TRAPPC9: variants seen among roughly 807,000 people sequenced by gnomAD.
TRAPPC9 encodes trafficking protein particle complex subunit 9.
Under a neutral mutation model 124.0 loss-of-function variants are expected in TRAPPC9, and 83 were observed. That is an observed-to-expected ratio of 0.67 (90% CI 0.56 to 0.80). The LOEUF (loss-of-function observed/expected upper bound fraction) is 0.80. TRAPPC9 is among the 30% of genes least tolerant of loss of function. TRAPPC9 has a pLI of 0.00. For synonymous variants in TRAPPC9, 638 were observed against 617.5 expected, an observed-to-expected ratio of 1.03 and a Z score of -0.49; for missense variants, 1,302 against 1,508.3, an observed-to-expected ratio of 0.86 and a Z score of 2.27.
At chr8:140,083,352 T>C (rs73359162) in intron 17 of TRAPPC9, among the ~76,000 whole-genome samples, 102 of 152,310 alleles carry the variant, frequency 6.7e-4, no homozygotes, top group African/African-American at 2.4e-3. Context: ...GGGAAAAATA[T>C]TCAGAATATT....
intron 17 of TRAPPC9, among the ~76,000 whole-genome samples, chr8:140,215,412 G>A (rs554393769): frequency 1.6e-4 from 24 of 152,214 alleles, no homozygotes; most frequent in Admixed American, 3.3e-4. Context: ...GGAGGCTGAG[G>A]CAGGTGGATT....
At chr8:139,758,149 C>T (rs1051295819) in intron 21 of TRAPPC9, among the ~76,000 whole-genome samples, 3 of 152,180 alleles carry the variant, frequency 2.0e-5, no homozygotes, top group African/African-American at 4.8e-5. Flanking sequence ...GCCAAGCGCT[C>T]GGGCCTGGGA....
At chr8:140,107,494 C>T (rs1288290795) in intron 17 of TRAPPC9, among the ~76,000 whole-genome samples, 1 of 152,120 alleles carries the variant, frequency 6.6e-6, no homozygotes, top group Non-Finnish European at 1.5e-5. Context: ...GTAAGAGAAC[C>T]GAAGGATGCT....
intron 18 of TRAPPC9, among the ~76,000 whole-genome samples, chr8:140,013,474 C>T (rs1375279346): frequency 2.0e-5 from 3 of 152,232 alleles, no homozygotes; most frequent in Admixed American, 2.0e-4. Flanking sequence ...CACACTGCAG[C>T]GTTTCTTCAA....
intron 21 of TRAPPC9, among the ~76,000 whole-genome samples, chr8:139,848,166 A>T (rs1586979467): frequency 6.6e-6 from 1 of 152,362 alleles, no homozygotes; most frequent in East Asian, 1.9e-4. Flanking sequence ...TCTAGACAGG[A>T]CTGCATGACT....
At chr8:140,157,249 C>T (rs1241910173) in intron 17 of TRAPPC9, among the ~76,000 whole-genome samples, 3 of 19,840 alleles carry the variant, frequency 1.5e-4, no homozygotes, top group East Asian at 5.9e-3. Context: ...TCAAAAGCCT[C>T]CCTTTTCCAT....
intron 21 of TRAPPC9, among the ~76,000 whole-genome samples, chr8:139,803,783 T>C (rs1823733583): frequency 6.6e-6 from 1 of 152,168 alleles, no homozygotes; most frequent in South Asian, 2.1e-4. Context: ...CGCTGTCTAG[T>C]TTCTTTTCTC....
chr8:140,448,247 T>G (rs1325355020), intron 2 of TRAPPC9, among the ~76,000 whole-genome samples: 1 of 152,070 alleles, frequency 6.6e-6, no homozygotes, highest in Admixed American at 6.6e-5. Context: ...AGTTCACTGG[T>G]GTCATTATCT....
chr8:139,909,047 T>C (rs968360775), intron 20 of TRAPPC9, among the ~76,000 whole-genome samples: 1 of 152,168 alleles, frequency 6.6e-6, no homozygotes, highest in Non-Finnish European at 1.5e-5. Flanking sequence ...CAAAGTCCCT[T>C]TAGCTTGAAC....
chr8:140,448,535 GA>G lies in TRAPPC9; in HGVS notation c.584+2254del, dbSNP rs140294913. Reference sequence around the variant, plus strand: ...CCTCACAGCCAAGAAGTGGATGACTGAAAAATGTCACTGATGCCCATGTGGC... The same window carrying G: ...CCTCACAGCCAAGAAGTGGATGACTGAAAATGTCACTGATGCCCATGTGGC... On this transcript the variant is annotated intron_variant, in intron 2 of 22. Transcript: ENST00000438773. 3.8e-4 allele frequency among the ~76,000 whole-genome samples: 58 copies of G among 152,368 alleles called. No homozygotes were observed. The East Asian group carries it at 0.011, about 28-fold the overall frequency.
intron 8 of TRAPPC9, among the ~76,000 whole-genome samples, chr8:140,370,375 G>C (rs2068246518): frequency 6.6e-6 from 1 of 152,236 alleles, no homozygotes; most frequent in South Asian, 2.1e-4. Flanking sequence ...CTGACCTCAA[G>C]TGATCCGCCC....
chr8:140,110,034 G>A (rs140372219), intron 17 of TRAPPC9, among the ~76,000 whole-genome samples: 181 of 152,182 alleles, frequency 1.2e-3, no homozygotes, highest in African/African-American at 3.7e-3. Flanking sequence ...AACAGGCTCC[G>A]CATGCCCCTG....
intron 17 of TRAPPC9, among the ~76,000 whole-genome samples, chr8:140,149,462 A>G (rs913878575): frequency 6.6e-6 from 1 of 152,078 alleles, no homozygotes; most frequent in African/African-American, 2.4e-5. Flanking sequence ...TCTACTAAAA[A>G]TACAGAAATT....
At chr8:140,160,784 T>TA (rs1341515551) in intron 17 of TRAPPC9, among the ~76,000 whole-genome samples, 2 of 151,588 alleles carry the variant, frequency 1.3e-5, no homozygotes, top group Non-Finnish European at 1.5e-5. Flanking sequence ...CCCTAGAACT[T>TA]AAAGTATAAT....
intron 21 of TRAPPC9, among the ~76,000 whole-genome samples, chr8:139,785,748 A>G (rs1822188476): frequency 6.6e-6 from 1 of 151,384 alleles, no homozygotes. Context: ...AAGAAAAAAA[A>G]AGGAAAACCT....
intron 7 of TRAPPC9, among the ~76,000 whole-genome samples, chr8:140,394,581 G>A (rs575494583): frequency 1.8e-4 from 27 of 152,146 alleles, no homozygotes; most frequent in Non-Finnish European, 3.2e-4. Flanking sequence ...ACTCCACTGC[G>A]ACTCCCAGCT....
At chr8:140,030,200 T>C (rs899624006) in intron 17 of TRAPPC9, among the ~76,000 whole-genome samples, 3 of 152,212 alleles carry the variant, frequency 2.0e-5, no homozygotes, top group Non-Finnish European at 4.4e-5. Context: ...TGATAAGCAA[T>C]GGAATGTTTT....
At chr8:139,750,847 G>T (rs369302741) in intron 21 of TRAPPC9, among the ~76,000 whole-genome samples, 1 of 152,204 alleles carries the variant, frequency 6.6e-6, no homozygotes, top group African/African-American at 2.4e-5. Context: ...GAGTCCATTT[G>T]TTTCCTGGAG....
At chr8:140,363,191 GCATGAT>G (rs1285055047) in intron 8 of TRAPPC9, among the ~76,000 whole-genome samples, 1 of 152,138 alleles carries the variant, frequency 6.6e-6, no homozygotes, top group African/African-American at 2.4e-5. Flanking sequence ...CCAGGAAAAG[GCATGAT>G]CAAAAATCTT....
Sources: gnomAD v4.1 joint callset for allele counts (sites outside exome capture counted in the v4.1 genomes callset) on GRCh38, gnomAD v4.1.1 for gene constraint, MANE v1.5 for transcripts, NCBI Gene and HGNC (gene_info 2026-07-23, HGNC 2026-07-21) for gene names.